STRN: variants seen among roughly 807,000 people sequenced by gnomAD.
STRN encodes the protein striatin.
Under a neutral mutation model 96.3 loss-of-function variants are expected in STRN, and 53 were observed. That is an observed-to-expected ratio of 0.55 (90% CI 0.44 to 0.69). The LOEUF is 0.69. Ranked by LOEUF, STRN falls within the 30% of genes least tolerant of loss-of-function variation. The pLI is 0.00. For missense variants in STRN, 987 were observed against 963.9 expected (o/e 1.02, Z -0.32); for synonymous variants, 428 against 355.9 (o/e 1.20, Z -2.28).
chr2:36,941,566 T>C (rs1670844717), intron 1 of STRN, among the ~76,000 whole-genome samples: 1 of 151,976 alleles, frequency 6.6e-6, no homozygotes, highest in African/African-American at 2.4e-5. Flanking sequence ...TTTTTTTTTT[T>C]GAGATGGAGT....
chr2:36,903,408 T>C (rs1445040423), intron 4 of STRN, among the ~76,000 whole-genome samples: 3 of 152,224 alleles, frequency 2.0e-5, no homozygotes, highest in Non-Finnish European at 2.9e-5. Context: ...TTAATTCTCC[T>C]GAACCTCAGT....
At chr2:36,887,441 G>C (rs918990199) in intron 7 of STRN, among the ~76,000 whole-genome samples, 1 of 151,628 alleles carries the variant, frequency 6.6e-6, no homozygotes, top group Non-Finnish European at 1.5e-5. Context: ...TTGCACTCCC[G>C]CCTGGGCAAC....
chr2:36,966,166 C>CCGGGG (rs1486700566), intron 1 of STRN, 64 bp downstream of exon 1: 1 of 1,383,630 alleles, frequency 7.2e-7, no homozygotes, highest in Non-Finnish European at 9.4e-7. Flanking sequence ...GGAGAAGGGT[C>CCGGGG]CGGGGCGGGG....
chr2:36,920,948 G>A (rs1670237908), intron 2 of STRN, among the ~76,000 whole-genome samples: 2 of 151,738 alleles, frequency 1.3e-5, no homozygotes, highest in African/African-American at 4.8e-5. Context: ...GGTGGTAAAC[G>A]CCTGTAGTCC....
At chr2:36,895,325 TAAA>T (rs763314498) in intron 6 of STRN, among the ~76,000 whole-genome samples, 1 of 134,432 alleles carries the variant, frequency 7.4e-6, no homozygotes, top group Admixed American at 7.5e-5. Context: ...AGACTCCGTC[TAAA>T]AAAAAAAAAA....
At chr2:36,940,942 C>G (rs1333841231) in intron 1 of STRN, among the ~76,000 whole-genome samples, 1 of 151,160 alleles carries the variant, frequency 6.6e-6, no homozygotes, top group Non-Finnish European at 1.5e-5. Flanking sequence ...TACTGAAGAT[C>G]AAGAGTTTGA....
At chr2:36,911,474 T>C (rs948544450) in intron 3 of STRN, among the ~76,000 whole-genome samples, 2 of 152,190 alleles carry the variant, frequency 1.3e-5, no homozygotes, top group Non-Finnish European at 2.9e-5. Flanking sequence ...GTTTTTATAG[T>C]ACAGACACAT....
rs553351693 is a variant in STRN at position 36,948,081 on chromosome 2, C to CTTTTTT, written c.234+18143_234+18148dup. Among the ~76,000 whole-genome samples, 164 of 68,136 alleles carry CTTTTTT rather than the reference C, an allele frequency of 2.4e-3. 38 individuals are homozygous for CTTTTTT. Among genetic ancestry groups the CTTTTTT allele is most frequent in the African/African-American group, 3.1e-3 (50 of 15,886 alleles). The allele number at this position is 68,136 out of a possible 152,430, so 44.7% of individuals were successfully genotyped here. ...TCTCCTCTATAATTATCAGTGCACT[C>CTTTTTT]TTTTTTTTTTTTTTTTTTTTTTTTT... is the stretch of plus-strand genomic sequence containing the variant. On this transcript the variant is annotated intron_variant, in intron 1 of 17. Coordinates refer to ENST00000263918, the MANE Select transcript of STRN (RefSeq NM_003162.4).
rs927669180 is a variant in STRN, at chr2:36,891,641, G to C, written c.931+2257C>G. On this transcript the variant is annotated intron_variant, in intron 7 of 17. Transcript: ENST00000263918. ...GCAACATAACATAATATCTCTTGTA[G>C]ACCTTGTGCCACTGGGATTGTTCAA... Among the ~76,000 whole-genome samples the C allele has an allele frequency of 3.3e-5, 5 of 152,322 alleles. No individual in the cohort carries two copies. In the Middle Eastern group the frequency reaches 0.01, roughly 311 times the overall value.
chr2:36,929,561 T>A (rs1325612364), intron 1 of STRN, among the ~76,000 whole-genome samples: 5 of 152,048 alleles, frequency 3.3e-5, no homozygotes, highest in Non-Finnish European at 7.4e-5. Flanking sequence ...ATTTTTGTAT[T>A]TTTAGTAGAG....
At chr2:36,946,635 G>C (rs1370803288) in intron 1 of STRN, among the ~76,000 whole-genome samples, 1 of 152,166 alleles carries the variant, frequency 6.6e-6, no homozygotes, top group Admixed American at 6.5e-5. Context: ...CAGTAGGTTT[G>C]TAAAAAGGAA....
At chr2:36,888,771 C>G (rs1468631625) in intron 7 of STRN, among the ~76,000 whole-genome samples, 2 of 152,052 alleles carry the variant, frequency 1.3e-5, no homozygotes, top group Non-Finnish European at 2.9e-5. Context: ...GCCTTGACCT[C>G]CTGGGCTGAA....
Position 36,855,200 on chromosome 2 carries a change from T to C in STRN, c.1978+12A>G, listed in dbSNP as rs1201076446. ...AAAATAAACACAGACAATTTAAAATTGGTATGCATACTTGTATCTACATTG... is the reference window on the plus strand; with the variant it reads ...AAAATAAACACAGACAATTTAAAATCGGTATGCATACTTGTATCTACATTG... On this transcript the variant is annotated intron_variant, in intron 15 of 17. Transcript: ENST00000263918. 1.2e-6 allele frequency: 2 copies of C among 1,607,980 alleles called. No individual in the cohort carries two copies. The highest frequency in any genetic ancestry group is 1.3e-5 in the African/African-American group (1 of 74,674).
At chr2:36,921,878 T>C (rs993831244) in intron 2 of STRN, among the ~76,000 whole-genome samples, 1 of 152,122 alleles carries the variant, frequency 6.6e-6, no homozygotes, top group Non-Finnish European at 1.5e-5. Context: ...GCTTAACAAC[T>C]AAATGCAGTA....
Position 36,899,395 on chromosome 2 carries a change from A to C in STRN, c.795+128T>G. On this transcript the variant is annotated intron_variant, in intron 6 of 17. Transcript: ENST00000263918. ...AAATCAGTATTACAAACTCTCATAA[A>C]TGTCTCCAAATTCATGAAAAAGAAA... 8.2e-6 allele frequency: 7 copies of C among 858,130 alleles called. No homozygotes were observed. The South Asian group carries it at 2.6e-4, about 32-fold the overall frequency. 53.2% of individuals were successfully genotyped at this position (858,130 alleles called of 1,614,324 possible). A position where few individuals can be genotyped will look rare whatever the true frequency, so the allele number is the denominator to read the frequency against.
chr2:36,925,809 A>G (rs1670394093), intron 1 of STRN, among the ~76,000 whole-genome samples: 1 of 152,170 alleles, frequency 6.6e-6, no homozygotes, highest in African/African-American at 2.4e-5. Context: ...TAATGCAAAC[A>G]AATGCAAGGT....
chr2:36,842,549 T>A lies in STRN; in HGVS notation c.*6907A>T, dbSNP rs1273810793. On this transcript the variant is annotated 3_prime_UTR_variant, in exon 18 of 18. Transcript: ENST00000263918. ...AATCACCAAGGACAAGATACTTTTC[T>A]ATGAAATAGGTCCTTCCTATCAGTA... 1 of 152,184 alleles carries A rather than the reference T, an allele frequency of 6.6e-6. No individual in the cohort carries two copies. Among genetic ancestry groups the A allele is most frequent in the Non-Finnish European group, 1.5e-5 (1 of 68,034 alleles). 9.4% of individuals were successfully genotyped at this position (152,184 alleles called of 1,614,324 possible).
At chr2:36,961,575 T>A (rs564160951) in intron 1 of STRN, among the ~76,000 whole-genome samples, 1 of 152,328 alleles carries the variant, frequency 6.6e-6, no homozygotes, top group African/African-American at 2.4e-5. Flanking sequence ...ACATATCTTA[T>A]CACTACCACC....
At chr2:36,859,607 T>G (rs998857972) in intron 13 of STRN, among the ~76,000 whole-genome samples, 1 of 152,196 alleles carries the variant, frequency 6.6e-6, no homozygotes, top group African/African-American at 2.4e-5. Context: ...CAACTATATG[T>G]AAAAGTACAG....
Sources: allele counts gnomAD v4.1 joint callset (sites outside exome capture counted in the v4.1 genomes callset), GRCh38; gene constraint gnomAD v4.1.1; transcripts MANE v1.5; gene names NCBI Gene and HGNC (gene_info 2026-07-23, HGNC 2026-07-21).